SETBP1: variants seen among roughly 807,000 people sequenced by gnomAD.
SETBP1 encodes SET binding protein 1.
In SETBP1, 9 loss-of-function variants were observed where a neutral mutation model predicts 101.0. That is an observed-to-expected ratio of 0.09 (90% CI 0.05 to 0.16). The LOEUF (loss-of-function observed/expected upper bound fraction) is 0.16, where lower values mean the gene tolerates loss of function less well. SETBP1 is among the 10% of genes least tolerant of loss of function. The pLI, the probability that SETBP1 is intolerant of heterozygous loss-of-function variation, is 1.00. For missense variants in SETBP1, 1,858 were observed against 2,033.8 expected, an observed-to-expected ratio of 0.91 and a Z score of 1.66; for synonymous variants, 818 against 788.5, an observed-to-expected ratio of 1.04 and a Z score of -0.63.
intron 4 of SETBP1, among the ~76,000 whole-genome samples, chr18:45,020,107 GC>G (rs1409423644): frequency 3.3e-5 from 5 of 151,808 alleles, no homozygotes; most frequent in African/African-American, 1.2e-4. Flanking sequence ...TTGGTCTTCA[GC>G]CGTGGACAGT....
chr18:44,874,499 A>T (rs2069351989), intron 3 of SETBP1, among the ~76,000 whole-genome samples: 1 of 152,166 alleles, frequency 6.6e-6, no homozygotes, highest in South Asian at 2.1e-4. Context: ...CCATACAAGG[A>T]GTAGGGGGGA....
chr18:44,892,528 C>T (rs1380479636), intron 3 of SETBP1, among the ~76,000 whole-genome samples: 1 of 151,998 alleles, frequency 6.6e-6, no homozygotes, highest in African/African-American at 2.4e-5. Flanking sequence ...ATCTTGTTAC[C>T]AATTCAAAAA....
intron 4 of SETBP1, among the ~76,000 whole-genome samples, chr18:45,022,188 A>T (rs1195436935): frequency 6.6e-6 from 1 of 152,126 alleles, no homozygotes; most frequent in Non-Finnish European, 1.5e-5. Flanking sequence ...ATGACTCCAT[A>T]TGACCCACAG....
At position 45,038,534 on chromosome 18, in the gene SETBP1, G is replaced by T; in HGVS notation, c.4050G>T (p.Lys1350Asn). ...TGGACCAGACAGCAGTGCATAGTAAGAACGAAGGCTCAGTGCCCACCATGA... is the reference window on the plus strand; with the variant it reads ...TGGACCAGACAGCAGTGCATAGTAATAACGAAGGCTCAGTGCCCACCATGA... ...LKVDQTAVHSKNEGSVPTMMT... is the reference protein window; with the variant it reads ...LKVDQTAVHSNNEGSVPTMMT... Residue 1350 changes from lysine (K) to asparagine (N), a missense_variant, in exon 5 of 6, where the codon AAG becomes AAT. This residue lies in a region of SETBP1 where 417 missense variants were observed against 389.1 expected (regional missense o/e 1.07). Coordinates refer to ENST00000649279, the MANE Select transcript of SETBP1 (RefSeq NM_015559.3). The T allele has an allele frequency of 6.2e-7, 1 of 1,614,142 alleles. No homozygotes were observed. Among genetic ancestry groups the T allele is most frequent in the Non-Finnish European group, 8.5e-7 (1 of 1,180,014 alleles).
intron 2 of SETBP1, among the ~76,000 whole-genome samples, chr18:44,745,967 G>A (rs191215300): frequency 6.6e-6 from 1 of 152,040 alleles, no homozygotes; most frequent in African/African-American, 2.4e-5. Context: ...GATCTGGAAG[G>A]CACACACACA....
In SETBP1 at chr18:45,018,781, G is replaced by A. The variant is rs376681495; in HGVS notation, c.4001-19704G>A. ...TGTATCTGATTGATTCTATGAATTCGAAATGTCATGTGGCTAAGTATTAAA... is the reference window on the plus strand; with the variant it reads ...TGTATCTGATTGATTCTATGAATTCAAAATGTCATGTGGCTAAGTATTAAA... On this transcript the variant is annotated intron_variant, in intron 4 of 5. Coordinates refer to ENST00000649279, the MANE Select transcript of SETBP1 (RefSeq NM_015559.3). Among the ~76,000 whole-genome samples, 9 of 152,268 alleles carry A rather than the reference G, an allele frequency of 5.9e-5. No homozygotes were observed. The East Asian group carries it at 1.5e-3, about 26-fold the overall frequency.
chr18:44,845,785 T>C (rs1333065575), intron 2 of SETBP1, among the ~76,000 whole-genome samples: 1 of 152,186 alleles, frequency 6.6e-6, no homozygotes, highest in Admixed American at 6.5e-5. Context: ...TCTAATTAAT[T>C]ACCACCTACC....
intron 4 of SETBP1, among the ~76,000 whole-genome samples, chr18:45,020,514 T>C (rs1294103477): frequency 6.6e-6 from 1 of 152,208 alleles, no homozygotes; most frequent in Non-Finnish European, 1.5e-5. Context: ...TTCCCACATT[T>C]GGCTCTCAGA....
intron 2 of SETBP1, among the ~76,000 whole-genome samples, chr18:44,839,653 C>G (rs2144516265): frequency 6.6e-6 from 1 of 152,312 alleles, no homozygotes; most frequent in East Asian, 1.9e-4. Context: ...TACTTAGGCT[C>G]TAACAGCATA....
At chr18:44,786,101 G>C (rs997991172) in intron 2 of SETBP1, among the ~76,000 whole-genome samples, 21 of 152,182 alleles carry the variant, frequency 1.4e-4, no homozygotes, top group African/African-American at 5.1e-4. Flanking sequence ...GAAACTAGCA[G>C]AGATATGTCC....
intron 4 of SETBP1, among the ~76,000 whole-genome samples, chr18:44,991,230 G>A (rs1205833616): frequency 4.8e-5 from 6 of 124,576 alleles, no homozygotes; most frequent in Non-Finnish European, 8.0e-5. Context: ...GTGACAGAGC[G>A]AGACTGCATC....
At chr18:44,813,116 G>C (rs919889164) in intron 2 of SETBP1, among the ~76,000 whole-genome samples, 2 of 152,002 alleles carry the variant, frequency 1.3e-5, no homozygotes, top group African/African-American at 2.4e-5. Flanking sequence ...GTTTCTCTGT[G>C]ACTTTGTCCA....
intron 2 of SETBP1, among the ~76,000 whole-genome samples, chr18:44,853,383 G>A (rs1264820551): frequency 1.3e-5 from 2 of 152,170 alleles, no homozygotes; most frequent in Admixed American, 1.3e-4. Flanking sequence ...TCTAAGTTGA[G>A]CCTCGCCATA....
intron 2 of SETBP1, among the ~76,000 whole-genome samples, chr18:44,850,590 C>T (rs1170968845): frequency 6.6e-6 from 1 of 152,002 alleles, no homozygotes; most frequent in African/African-American, 2.4e-5. Flanking sequence ...AGGCTGGTCT[C>T]GAACTCCTAA....
At chr18:44,817,417 G>A (rs562446627) in intron 2 of SETBP1, among the ~76,000 whole-genome samples, 4 of 152,244 alleles carry the variant, frequency 2.6e-5, no homozygotes, top group African/African-American at 7.2e-5. Context: ...TTCAAGAGGT[G>A]GCTCACCCCT....
intron 2 of SETBP1, among the ~76,000 whole-genome samples, chr18:44,855,841 C>T (rs543407944): frequency 3.3e-5 from 5 of 152,102 alleles, no homozygotes; most frequent in Non-Finnish European, 5.9e-5. Flanking sequence ...GATGGCATTG[C>T]GATCCGTGTT....
At chr18:44,935,919 G>T (rs12608010) in intron 3 of SETBP1, among the ~76,000 whole-genome samples, 16,018 of 152,106 alleles carry the variant, frequency 0.11, 832 homozygotes, top group East Asian at 0.14. Context: ...CACTAATTTT[G>T]CCCCTTCATT....
intron 2 of SETBP1, among the ~76,000 whole-genome samples, chr18:44,711,773 C>T (rs2069352806): frequency 6.8e-6 from 1 of 147,992 alleles, no homozygotes; most frequent in Non-Finnish European, 1.5e-5. Flanking sequence ...GAACTGGCCT[C>T]AAGCAATCCT....
intron 4 of SETBP1, among the ~76,000 whole-genome samples, chr18:45,030,963 C>A (rs1172815120): frequency 6.6e-6 from 1 of 151,910 alleles, no homozygotes; most frequent in Non-Finnish European, 1.5e-5. Flanking sequence ...AAAAAACCAG[C>A]TCCTGGATTC....
Sources: allele counts gnomAD v4.1 joint callset (sites outside exome capture counted in the v4.1 genomes callset), GRCh38; gene constraint gnomAD v4.1.1; regional missense constraint gnomAD v4.1.1; transcripts MANE v1.5; gene names NCBI Gene and HGNC (gene_info 2026-07-23, HGNC 2026-07-21).